CDON: variants seen among roughly 807,000 people sequenced by gnomAD.
CDON encodes the protein cell adhesion associated, oncogene regulated, also known as cell adhesion molecule-related/down-regulated by oncogenes.
CDON carries 73 observed loss-of-function variants against 120.9 expected under a neutral mutation model. The observed-to-expected ratio is 0.60, with a 90% CI of 0.50 to 0.73. The LOEUF is 0.73. Ranked by LOEUF, CDON falls within the 30% of genes least tolerant of loss-of-function variation. The pLI, the probability that CDON is intolerant of heterozygous loss-of-function variation, is 0.00. For missense variants in CDON, 1,470 were observed against 1,587.3 expected (o/e 0.93, Z 1.26); for synonymous variants, 566 against 573.5 (o/e 0.99, Z 0.19).
intron 18 of CDON, 61 bp downstream of exon 18, chr11:125,978,243 A>C: frequency 1.1e-6 from 1 of 905,664 alleles, no homozygotes; most frequent in Non-Finnish European, 1.8e-6. Flanking sequence ...GCTGAAGGGA[A>C]AAATAAAAGG....
intron 18 of CDON, among the ~76,000 whole-genome samples, chr11:125,974,535 T>C (rs1397717128): frequency 6.6e-6 from 1 of 152,072 alleles, no homozygotes; most frequent in Non-Finnish European, 1.5e-5. Context: ...TAACAAAAGA[T>C]ATGATGTCTT....
chr11:126,007,657 T>C (rs570091307), intron 8 of CDON, among the ~76,000 whole-genome samples: 4 of 152,212 alleles, frequency 2.6e-5, no homozygotes, highest in Admixed American at 6.5e-5. Context: ...TACAGAAGCA[T>C]GAGAAAAACG....
At chr11:126,056,942 G>C (rs1394090864) in intron 1 of CDON, among the ~76,000 whole-genome samples, 1 of 152,156 alleles carries the variant, frequency 6.6e-6, no homozygotes, top group Non-Finnish European at 1.5e-5. Flanking sequence ...TGCTGGACTG[G>C]TGGTTACTTC....
intron 1 of CDON, among the ~76,000 whole-genome samples, chr11:126,047,208 G>A (rs1948427276): frequency 6.6e-6 from 1 of 152,146 alleles, no homozygotes; most frequent in South Asian, 2.1e-4. Context: ...TTAAACTGAA[G>A]AATGTTTACA....
At chr11:126,017,653 A>G (rs1947509557) in intron 5 of CDON, among the ~76,000 whole-genome samples, 1 of 152,078 alleles carries the variant, frequency 6.6e-6, no homozygotes, top group Non-Finnish European at 1.5e-5. Context: ...GCCATAACCT[A>G]AAAATCAACA....
intron 1 of CDON, among the ~76,000 whole-genome samples, chr11:126,056,602 C>T (rs1454485629): frequency 6.6e-6 from 1 of 152,212 alleles, no homozygotes; most frequent in African/African-American, 2.4e-5. Flanking sequence ...GCCAAAGTCC[C>T]TTCCAAAATT....
chr11:126,014,661 T>A (rs1216453380), intron 7 of CDON, among the ~76,000 whole-genome samples: 1 of 152,142 alleles, frequency 6.6e-6, no homozygotes, highest in Non-Finnish European at 1.5e-5. Flanking sequence ...AAAACAACCA[T>A]CAATAAGGTA....
chr11:126,022,277 C>G (rs1947666411), intron 2 of CDON, among the ~76,000 whole-genome samples: 1 of 152,076 alleles, frequency 6.6e-6, no homozygotes, highest in South Asian at 2.1e-4. Context: ...AGTTTTTCTA[C>G]AAATGAGGGC....
chr11:126,062,194 C>T (rs1414156263), intron 1 of CDON, among the ~76,000 whole-genome samples: 2 of 152,152 alleles, frequency 1.3e-5, no homozygotes, highest in East Asian at 1.9e-4. Flanking sequence ...CTCTCGCGGG[C>T]GCTCTGCAGG....
At chr11:125,974,357 GT>G in intron 18 of CDON, among the ~76,000 whole-genome samples, 3 of 75,958 alleles carry the variant, frequency 3.9e-5, no homozygotes, top group African/African-American at 9.8e-5. Flanking sequence ...AGGTAGGTAG[GT>G]AGGTAGGTAG....
intron 18 of CDON, among the ~76,000 whole-genome samples, chr11:125,972,467 C>CAA (rs1024293016): frequency 1.3e-5 from 2 of 151,906 alleles, no homozygotes; most frequent in Non-Finnish European, 2.9e-5. Context: ...AAAAAGGATT[C>CAA]AAGGTCATGG....
At chr11:126,023,184 G>A (rs191427357) in intron 2 of CDON, among the ~76,000 whole-genome samples, 117 of 152,118 alleles carry the variant, frequency 7.7e-4, no homozygotes, top group African/African-American at 2.5e-3. Context: ...TAAATTATAA[G>A]GGCCAGGACA....
chr11:126,013,212 T>C (rs931169750), intron 7 of CDON, among the ~76,000 whole-genome samples: 2 of 152,224 alleles, frequency 1.3e-5, no homozygotes, highest in Non-Finnish European at 1.5e-5. Context: ...CGTATTTTCT[T>C]TTTTACACTG....
At chr11:126,042,368 A>G (rs563227653) in intron 1 of CDON, among the ~76,000 whole-genome samples, 1 of 152,326 alleles carries the variant, frequency 6.6e-6, no homozygotes, top group Non-Finnish European at 1.5e-5. Context: ...ATTGTGGGTC[A>G]CCTGTAAGTG....
Position 126,023,453 on chromosome 11 carries a change from T to C in CDON, c.24A>G (p.Leu8=). 1.9e-6 allele frequency: 3 copies of C among 1,613,332 alleles called. No homozygotes were observed. Among genetic ancestry groups the C allele is most frequent in the Non-Finnish European group, 2.5e-6 (3 of 1,179,304 alleles). Residue 8 remains leucine, a synonymous_variant, in exon 2 of 20, where the codon TTA becomes TTG. Coordinates refer to ENST00000531738, the MANE Select transcript of CDON (RefSeq NM_001378964.1). The part of the protein sequence containing the change: MHPDLGP[L]CTLLYVTLTI... Reference sequence around the variant, plus strand: ...TAAGAGTAACATACAGCAGTGTACATAAGGGTCCAAGATCCGGATGCATAG... The same window carrying C: ...TAAGAGTAACATACAGCAGTGTACACAAGGGTCCAAGATCCGGATGCATAG...
Position 126,037,631 on chromosome 11 carries a change from T to C in CDON, c.-61-14094A>G, listed in dbSNP as rs185909323. Among the ~76,000 whole-genome samples, 773 of 152,332 alleles carry C rather than the reference T, an allele frequency of 5.1e-3. 7 individuals carry two copies. Among genetic ancestry groups the C allele is most frequent in the Non-Finnish European group, 7.9e-3 (538 of 68,022 alleles). On this transcript the variant is annotated intron_variant, in intron 1 of 19. Transcript: ENST00000531738. Reference sequence around the variant, plus strand: ...GACATCTTCAACTCTTGTATAGCAATTCATAAGCAATTGAATTTAAAACTT... The same window carrying C: ...GACATCTTCAACTCTTGTATAGCAACTCATAAGCAATTGAATTTAAAACTT...
At chr11:125,982,803 A>T (rs941872996) in intron 16 of CDON, among the ~76,000 whole-genome samples, 1 of 152,204 alleles carries the variant, frequency 6.6e-6, no homozygotes, top group African/African-American at 2.4e-5. Flanking sequence ...TCACACAATT[A>T]AAGGCAATGG....
intron 11 of CDON, among the ~76,000 whole-genome samples, chr11:126,001,127 A>AT (rs983006881): frequency 1.1e-4 from 16 of 152,064 alleles, no homozygotes; most frequent in African/African-American, 3.6e-4. Flanking sequence ...GAAAAGTGAG[A>AT]TTTTCAGAGT....
chr11:125,961,898 T>C lies in CDON; in HGVS notation c.3457A>G (p.Ser1153Gly), dbSNP rs1945656401. The C allele has an allele frequency of 6.2e-7, 1 of 1,614,198 alleles. No homozygotes were observed. The highest frequency in any genetic ancestry group is 8.5e-7 in the Non-Finnish European group (1 of 1,180,026). ...AGGCATACAGGCACCTTCACGTGAC[T>C]GAGGGGCTTCATTTCCAAACCATCC... is the stretch of plus-strand genomic sequence containing the variant. ...PQDGLEMKPL[S>G]HVKVPVCLTS... The change falls in exon 19 of 20, where the codon AGT becomes GGT. Residue 1153 changes from serine to glycine, a missense_variant. Transcript: ENST00000531738.
Sources: gnomAD v4.1 joint callset for allele counts (sites outside exome capture counted in the v4.1 genomes callset) on GRCh38, gnomAD v4.1.1 for gene constraint, MANE v1.5 for transcripts, NCBI Gene and HGNC (gene_info 2026-07-23, HGNC 2026-07-21) for gene names.